The following ATP10B variants were observed in gnomAD, a reference collection of about 807,000 sequenced individuals.
ATP10B encodes phospholipid-transporting ATPase VB.
Under a neutral mutation model 141.2 loss-of-function variants are expected in ATP10B, and 122 were observed. The ratio of observed to expected loss-of-function variants is 0.86; its 90% CI spans 0.75 to 1.00. The LOEUF (loss-of-function observed/expected upper bound fraction) is 1.00, where lower values mean the gene tolerates loss of function less well. Among genes scored for constraint, ATP10B ranks in the 50% least tolerant of loss-of-function variants. The probability of loss-of-function intolerance (pLI) is 0.00; values close to 1 mark genes in which losing one functional copy is unlikely to be tolerated. For missense variants in ATP10B, 1,876 were observed against 1,825.3 expected (o/e 1.03, Z -0.51); for synonymous variants, 685 against 692.0 (o/e 0.99, Z 0.16).
At chr5:160,751,066 C>T (rs889745849) in intron 2 of ATP10B, among the ~76,000 whole-genome samples, 1 of 152,246 alleles carries the variant, frequency 6.6e-6, no homozygotes, top group African/African-American at 2.4e-5. Flanking sequence ...CAGCTCTGCT[C>T]ATGCAGTCAT....
intron 2 of ATP10B, among the ~76,000 whole-genome samples, chr5:160,720,312 A>G (rs1185314073): frequency 2.0e-5 from 3 of 152,252 alleles, no homozygotes; most frequent in Non-Finnish European, 2.9e-5. Flanking sequence ...GAAAGCAAAA[A>G]TGAAACACTG....
chr5:160,844,911 A>T (rs776904430), intron 1 of ATP10B, among the ~76,000 whole-genome samples: 1 of 152,146 alleles, frequency 6.6e-6, no homozygotes. Context: ...AAAAAAACTG[A>T]TATTTTTCAT....
the ATP10B span, among the ~76,000 whole-genome samples, chr5:160,858,031 T>A: frequency 1.3e-5 from 2 of 152,122 alleles, no homozygotes; most frequent in East Asian, 1.9e-4. Context: ...TTATTTGATG[T>A]AAAATTTTTA....
At chr5:160,600,846 A>G (rs10071353) in intron 21 of ATP10B, among the ~76,000 whole-genome samples, 1,588 of 152,338 alleles carry the variant, frequency 0.01, 29 homozygotes, top group African/African-American at 0.035. Context: ...AATTGGTTTC[A>G]TATGTGGAAG....
At chr5:160,597,810 C>G (rs1004803281) in intron 22 of ATP10B, among the ~76,000 whole-genome samples, 2 of 152,104 alleles carry the variant, frequency 1.3e-5, no homozygotes, top group African/African-American at 4.8e-5. Context: ...CCATGACTGG[C>G]TATCAGAGAA....
chr5:160,743,406 G>A (rs1160210856), intron 2 of ATP10B, among the ~76,000 whole-genome samples: 2 of 152,136 alleles, frequency 1.3e-5, no homozygotes, highest in African/African-American at 2.4e-5. Flanking sequence ...ACCTGTCTGG[G>A]TGAGCTACAC....
At chr5:160,752,984 C>T (rs1768264364) in intron 2 of ATP10B, among the ~76,000 whole-genome samples, 1 of 152,056 alleles carries the variant, frequency 6.6e-6, no homozygotes, top group Admixed American at 6.6e-5. Context: ...CATTTGCATG[C>T]CAAATTTAGT....
the ATP10B span, among the ~76,000 whole-genome samples, chr5:160,861,887 C>A: frequency 3.6e-4 from 54 of 151,964 alleles, no homozygotes; most frequent in Middle Eastern, 3.4e-3. Context: ...TCTATTACAT[C>A]TTAACAAATG....
At chr5:160,912,812 T>G in the ATP10B span, among the ~76,000 whole-genome samples, 2 of 152,242 alleles carry the variant, frequency 1.3e-5, no homozygotes, top group Non-Finnish European at 2.9e-5. Context: ...GCTGTCTATC[T>G]GGCATGCCAC....
chr5:160,579,784 T>C (rs577239763), intron 24 of ATP10B, among the ~76,000 whole-genome samples: 1 of 152,336 alleles, frequency 6.6e-6, no homozygotes, highest in South Asian at 2.1e-4. Context: ...ATATTGATTC[T>C]TCCTATCCAT....
At chr5:160,816,968 ACT>A (rs1343176261) in intron 1 of ATP10B, among the ~76,000 whole-genome samples, 3 of 152,250 alleles carry the variant, frequency 2.0e-5, no homozygotes, top group African/African-American at 7.2e-5. Context: ...CATGCTAAAA[ACT>A]CTCAATAAAT....
At chr5:160,906,746 C>CT in the ATP10B span, among the ~76,000 whole-genome samples, 1 of 152,184 alleles carries the variant, frequency 6.6e-6, no homozygotes, top group African/African-American at 2.4e-5. Context: ...CCAGTACCGC[C>CT]TCTCCTTCTT....
intron 7 of ATP10B, among the ~76,000 whole-genome samples, chr5:160,667,801 A>G (rs1762411855): frequency 6.6e-6 from 1 of 152,220 alleles, no homozygotes. Context: ...AAAGACAAAA[A>G]GAAGTCACTG....
intron 3 of ATP10B, among the ~76,000 whole-genome samples, chr5:160,706,070 T>A (rs1044415462): frequency 2.6e-4 from 40 of 152,242 alleles, no homozygotes; most frequent in Non-Finnish European, 5.3e-4. Context: ...ACACACACAT[T>A]TAGAGATTAA....
intron 1 of ATP10B, among the ~76,000 whole-genome samples, chr5:160,795,894 G>C (rs1020776915): frequency 6.6e-6 from 1 of 152,146 alleles, no homozygotes; most frequent in Non-Finnish European, 1.5e-5. Flanking sequence ...AGAAATGTAA[G>C]AGAATGCATT....
intron 12 of ATP10B, 66 bp from the exon 13 acceptor site, chr5:160,632,433 A>G: frequency 6.7e-7 from 1 of 1,492,950 alleles, no homozygotes; most frequent in South Asian, 1.2e-5. Flanking sequence ...GGGAAAACCT[A>G]GACTTTGTGT....
intron 9 of ATP10B, among the ~76,000 whole-genome samples, chr5:160,641,496 T>C (rs1759864220): frequency 6.6e-6 from 1 of 152,172 alleles, no homozygotes; most frequent in African/African-American, 2.4e-5. Context: ...TCTTCTCCAG[T>C]AGGGGAAGCT....
At chr5:160,797,557 C>T (rs1772035858) in intron 1 of ATP10B, among the ~76,000 whole-genome samples, 1 of 152,140 alleles carries the variant, frequency 6.6e-6, no homozygotes, top group African/African-American at 2.4e-5. Flanking sequence ...TCCATGTTCC[C>T]TAAGTGCCTA....
chr5:160,762,403 A>C (rs1231901828), intron 2 of ATP10B, among the ~76,000 whole-genome samples: 1 of 152,240 alleles, frequency 6.6e-6, no homozygotes, highest in Non-Finnish European at 1.5e-5. Flanking sequence ...TTGGGGTCCT[A>C]TCGTTAGCCT....
Sources: allele counts gnomAD v4.1 joint callset (sites outside exome capture counted in the v4.1 genomes callset), GRCh38; gene constraint gnomAD v4.1.1; transcripts MANE v1.5; gene names NCBI Gene and HGNC (gene_info 2026-07-23, HGNC 2026-07-21).